Variants in INO80 observed in about 807,000 individuals in gnomAD.
The protein encoded by INO80 is chromatin-remodeling ATPase INO80.
A neutral mutation model predicts 203.4 loss-of-function variants in INO80; 20 were observed. That is an observed-to-expected ratio of 0.10 (90% CI 0.07 to 0.14). INO80 has a LOEUF of 0.14. Among genes scored for constraint, INO80 ranks in the 10% least tolerant of loss-of-function variants. The pLI, the probability that INO80 is intolerant of heterozygous loss-of-function variation, is 1.00. For missense variants in INO80, 1,419 were observed against 1,914.4 expected (o/e 0.74, Z 4.83); for synonymous variants, 726 against 685.2 (o/e 1.06, Z -0.93).
rs929743594 is a variant in INO80 at position 41,095,270 on chromosome 15, G to C, written c.381+331C>G. Among the ~76,000 whole-genome samples the C allele has an allele frequency of 2.6e-5, 4 of 152,196 alleles. No individual in the cohort carries two copies. In the South Asian group the frequency reaches 8.3e-4, roughly 32 times the overall value. On this transcript the variant is annotated intron_variant, in intron 4 of 35. Transcript: ENST00000648947. Reference sequence around the variant, plus strand: ...GCAGGAGAATTGCTTGAACCTAGGAGGCGGAGGTTGCAGTGAGCTGAGATC... The same window carrying C: ...GCAGGAGAATTGCTTGAACCTAGGACGCGGAGGTTGCAGTGAGCTGAGATC...
rs539737318 is a variant in INO80 at position 41,109,271 on chromosome 15, T to G, written c.-44+6702A>C. 7 of 151,386 alleles carry G rather than the reference T, an allele frequency of 4.6e-5. No individual in the cohort carries two copies. The South Asian group carries it at 1.5e-3, about 32-fold the overall frequency. 9.4% of individuals were successfully genotyped at this position (151,386 alleles called of 1,614,324 possible). A position where few individuals can be genotyped will look rare whatever the true frequency, so the allele number is the denominator to read the frequency against. ...GAGCTCGAGACCAGCCTGGCCAACA[T>G]GGTGAAACCCCATCTCTACTAAAAA... On this transcript the variant is annotated intron_variant, in intron 1 of 35. Coordinates refer to ENST00000648947, the MANE Select transcript of INO80 (RefSeq NM_017553.3).
At chr15:41,093,680 A>G (rs1174076446) in intron 4 of INO80, among the ~76,000 whole-genome samples, 2 of 152,052 alleles carry the variant, frequency 1.3e-5, no homozygotes, top group Non-Finnish European at 2.9e-5. Context: ...CCTGGGCAAC[A>G]TGGTGAAACC....
intron 24 of INO80, among the ~76,000 whole-genome samples, chr15:41,036,352 G>T (rs950294871): frequency 6.6e-6 from 1 of 151,842 alleles, no homozygotes. Context: ...AACCTCTATT[G>T]CAAGTTTCTA....
chr15:41,069,981 T>C (rs1375073952), intron 13 of INO80, among the ~76,000 whole-genome samples: 2 of 152,362 alleles, frequency 1.3e-5, no homozygotes, highest in East Asian at 3.9e-4. Context: ...CTTGTAGTTA[T>C]TTAATAGGTA....
chr15:41,101,547 G>T (rs1305780177), intron 1 of INO80, among the ~76,000 whole-genome samples: 1 of 149,606 alleles, frequency 6.7e-6, no homozygotes, highest in Non-Finnish European at 1.5e-5. Context: ...GACTTTATTT[G>T]TAACTTTTTT....
chr15:41,048,206 A>T lies in INO80; in HGVS notation c.2641+6T>A. ...AACCTACTTTCCCAAAGATCAAAAC[A>T]CCTACCTTTTCTGTGAAAGAGAGAC... On this transcript the variant is annotated splice_donor_region_variant and intron_variant, in intron 22 of 35. Transcript: ENST00000648947. The T allele has an allele frequency of 6.2e-7, 1 of 1,609,670 alleles. No individual in the cohort carries two copies. The highest frequency in any genetic ancestry group is 1.3e-5 in the African/African-American group (1 of 74,890).
chr15:40,985,267 T>A (rs888388477), intron 32 of INO80, 71 bp downstream of exon 32: 1 of 1,052,614 alleles, frequency 9.5e-7, no homozygotes. Flanking sequence ...AGAAGCCATG[T>A]ACCCCAAAGC....
intron 25 of INO80, among the ~76,000 whole-genome samples, chr15:41,021,661 T>C (rs2044296887): frequency 6.6e-6 from 1 of 152,144 alleles, no homozygotes; most frequent in East Asian, 1.9e-4. Context: ...ACAAACCTAA[T>C]GGAAGAGAAA....
intron 7 of INO80, among the ~76,000 whole-genome samples, chr15:41,082,289 C>T (rs1169137807): frequency 1.4e-5 from 2 of 147,614 alleles, no homozygotes; most frequent in African/African-American, 5.0e-5. Context: ...CTTGGCCAGG[C>T]GCAGTGGCTT....
intron 14 of INO80, among the ~76,000 whole-genome samples, chr15:41,067,899 GCAAA>G (rs2045247834): frequency 6.6e-6 from 1 of 152,080 alleles, no homozygotes; most frequent in African/African-American, 2.4e-5. Flanking sequence ...CTTTTAAATT[GCAAA>G]CAATAAATCC....
In INO80 at chr15:40,979,896, T is replaced by C. The variant is rs906205293; in HGVS notation, c.*327A>G. 27 of 349,968 alleles carry C rather than the reference T, an allele frequency of 7.7e-5. No homozygotes were observed. Among genetic ancestry groups the C allele is most frequent in the Admixed American group, 8.4e-5 (2 of 23,832 alleles). The allele number at this position is 349,968 out of a possible 1,614,324, so 21.7% of individuals were successfully genotyped here. A position where few individuals can be genotyped will look rare whatever the true frequency, so the allele number is the denominator to read the frequency against. On this transcript the variant is annotated 3_prime_UTR_variant, in exon 36 of 36. Coordinates refer to ENST00000648947, the MANE Select transcript of INO80 (RefSeq NM_017553.3). ...TCAGAGCCGAAGAGTGGAATCGGGA[T>C]GGAAACAGTATGCCTGAGCATCTAA...
At position 41,074,473 on chromosome 15, in the gene INO80, A is replaced by G. The variant is rs1222452371; in HGVS notation, c.1224T>C (p.Asp408=). 7 of 1,613,954 alleles carry G rather than the reference A, an allele frequency of 4.3e-6. No homozygotes were observed. The highest frequency in any genetic ancestry group is 5.9e-6 in the Non-Finnish European group (7 of 1,179,872). Reference sequence around the variant, plus strand: ...TCCTTAGGATTTCTTCCTGGATACCATCATGACCCATATCTCGTTTGCGAC... The same window carrying G: ...TCCTTAGGATTTCTTCCTGGATACCGTCATGACCCATATCTCGTTTGCGAC... The part of the protein sequence containing the change: ...FMSRKRDMGH[D]GIQEEILRKL... The change falls in exon 10 of 36, where the codon GAT becomes GAC. Residue 408 remains aspartate, a synonymous_variant. Transcript: ENST00000648947.
intron 6 of INO80, among the ~76,000 whole-genome samples, chr15:41,085,924 A>G (rs1249506965): frequency 6.6e-6 from 1 of 152,020 alleles, no homozygotes; most frequent in African/African-American, 2.4e-5. Flanking sequence ...CAATGGTGCA[A>G]TCTCGGCTCA....
chr15:40,998,915 A>G (rs1344774606), intron 28 of INO80, among the ~76,000 whole-genome samples: 1 of 151,660 alleles, frequency 6.6e-6, no homozygotes, highest in African/African-American at 2.4e-5. Context: ...TCAGCCTCCC[A>G]AAGTGCTGGG....
intron 25 of INO80, among the ~76,000 whole-genome samples, chr15:41,027,177 C>T (rs1053817877): frequency 6.6e-6 from 1 of 152,198 alleles, no homozygotes; most frequent in South Asian, 2.1e-4. Flanking sequence ...GGAGACTGTA[C>T]TGAGGTGATA....
rs1302569870 is a variant in INO80, at chr15:40,980,446, G to C, written c.4454-6C>G. ...AGGACTGCTGGCGGAGATTCCTGTGGGGACGGAGAGAGACAAGAACGTAAG... is the reference window on the plus strand; with the variant it reads ...AGGACTGCTGGCGGAGATTCCTGTGCGGACGGAGAGAGACAAGAACGTAAG... On this transcript the variant is annotated splice_region_variant and splice_polypyrimidine_tract_variant and intron_variant, in intron 35 of 35. Coordinates refer to ENST00000648947, the MANE Select transcript of INO80 (RefSeq NM_017553.3). 6.2e-7 allele frequency: 1 copy of C among 1,608,860 alleles called. No individual in the cohort carries two copies. Among genetic ancestry groups the C allele is most frequent in the African/African-American group, 1.3e-5 (1 of 74,802 alleles).
At position 40,978,948 on chromosome 15, in the gene INO80, T is replaced by C. The variant is rs1390735368; in HGVS notation, c.*1275A>G. ...ATCCAGTTAGTAAAAGGAAGATGTGTCTCTCTTTATACATATGTACAAGTT... is the reference window on the plus strand; with the variant it reads ...ATCCAGTTAGTAAAAGGAAGATGTGCCTCTCTTTATACATATGTACAAGTT... On this transcript the variant is annotated 3_prime_UTR_variant, in exon 36 of 36. Coordinates refer to ENST00000648947, the MANE Select transcript of INO80 (RefSeq NM_017553.3). The C allele has an allele frequency of 1.3e-5, 2 of 152,606 alleles. No individual in the cohort carries two copies. The highest frequency in any genetic ancestry group is 4.8e-5 in the African/African-American group (2 of 41,438). 9.5% of individuals were successfully genotyped at this position (152,606 alleles called of 1,614,324 possible).
At chr15:41,016,065 G>A in intron 27 of INO80, 23 bp downstream of exon 27, 1 of 1,600,560 alleles carries the variant, frequency 6.2e-7, no homozygotes. Flanking sequence ...GGTATCCTAG[G>A]TCCCCAAGAT....
chr15:41,053,865 C>G lies in INO80; in HGVS notation c.2274+64G>C, dbSNP rs1175162593. ...CAACTAAACATATATCAATAAATTT[C>G]TCCCCCTGGAATCTTAAGTTGGTGC... On this transcript the variant is annotated intron_variant, in intron 19 of 35. Coordinates refer to ENST00000648947, the MANE Select transcript of INO80 (RefSeq NM_017553.3). 6 of 1,218,658 alleles carry G rather than the reference C, an allele frequency of 4.9e-6. No homozygotes were observed. In the Admixed American group the frequency reaches 9.6e-5, roughly 20 times the overall value. 75.5% of individuals were successfully genotyped at this position (1,218,658 alleles called of 1,614,324 possible).
Sources: gnomAD v4.1 joint callset for allele counts (sites outside exome capture counted in the v4.1 genomes callset) on GRCh38, gnomAD v4.1.1 for gene constraint, MANE v1.5 for transcripts, NCBI Gene and HGNC (gene_info 2026-07-23, HGNC 2026-07-21) for gene names.